Variants in BIN3 observed in about 807,000 individuals in gnomAD.
BIN3 encodes bridging integrator 3.
In BIN3, 41 loss-of-function variants were observed where a neutral mutation model predicts 38.2. That is an observed-to-expected ratio of 1.07 (90% CI 0.84 to 1.39). BIN3 has a LOEUF of 1.39. BIN3 is among the 40% of genes most tolerant of loss of function. The pLI is 0.00. For missense variants in BIN3, 361 were observed against 324.3 expected (o/e 1.11, Z -0.87); for synonymous variants, 145 against 122.6 (o/e 1.18, Z -1.21).
intron 1 of BIN3, among the ~76,000 whole-genome samples, chr8:22,647,859 G>C (rs1305678964): frequency 6.6e-6 from 1 of 152,154 alleles, no homozygotes; most frequent in African/African-American, 2.4e-5. Context: ...GGGCGTGGTG[G>C]CTCACACCTG....
intron 6 of BIN3, 104 bp downstream of exon 6, chr8:22,629,860 G>A (rs1802128052): frequency 8.6e-7 from 1 of 1,156,684 alleles, no homozygotes; most frequent in Admixed American, 2.0e-5. Flanking sequence ...CAGGCCCCAT[G>A]GGAATCTGGG....
At position 22,628,087 on chromosome 8, in the gene BIN3, G is replaced by A. The variant is rs144426194; in HGVS notation, c.338+1877C>T. On this transcript the variant is annotated intron_variant, in intron 6 of 8. Transcript: ENST00000276416. ...AAGGAGAGGGAAGGTGAGCGAGGCC[G>A]GCTGGGAGGTGGGCTGGGCGCAGCC... Among the ~76,000 whole-genome samples, 494 of 152,350 alleles carry A rather than the reference G, an allele frequency of 3.2e-3. 2 individuals are homozygous for A. Among genetic ancestry groups the A allele is most frequent in the African/African-American group, 0.011 (471 of 41,580 alleles).
chr8:22,658,562 C>A (rs1803132511), intron 1 of BIN3, among the ~76,000 whole-genome samples: 2 of 152,214 alleles, frequency 1.3e-5, no homozygotes, highest in Admixed American at 6.5e-5. Flanking sequence ...TCTGCAGAGG[C>A]AGAGATAAAA....
chr8:22,657,354 C>T (rs936981156), intron 1 of BIN3, among the ~76,000 whole-genome samples: 11 of 152,100 alleles, frequency 7.2e-5, no homozygotes, highest in African/African-American at 2.4e-4. Flanking sequence ...AACCAAAAAA[C>T]AAAACAAAAC....
In BIN3 at chr8:22,630,041, G is replaced by A. The variant is rs765945729; in HGVS notation, c.298-37C>T. 2.5e-6 allele frequency: 4 copies of A among 1,584,128 alleles called. No individual in the cohort carries two copies. In the East Asian group the frequency reaches 9.0e-5, roughly 36 times the overall value. The stretch of plus-strand genomic sequence containing the variant: ...AAACCCAAAGACATTAAAACTGGTG[G>A]GGAGGGGAGGGCGACACGCAAGGCA... On this transcript the variant is annotated intron_variant, in intron 5 of 8. Transcript: ENST00000276416.
intron 4 of BIN3, among the ~76,000 whole-genome samples, chr8:22,632,539 T>A (rs1284593603): frequency 1.3e-5 from 2 of 152,208 alleles, no homozygotes; most frequent in Non-Finnish European, 2.9e-5. Context: ...TACGTATAAC[T>A]TGATTTGATT....
At chr8:22,630,128 G>GAGCAAAGCCA in intron 5 of BIN3, 124 bp from the exon 6 acceptor site, 1 of 1,150,868 alleles carries the variant, frequency 8.7e-7, no homozygotes, top group Non-Finnish European at 1.3e-6. Context: ...TCCTTGTCCT[G>GAGCAAAGCCA]GGCCTGGCTT....
rs977356267 is a variant in BIN3 at position 22,630,500 on chromosome 8, T to C, written c.239A>G (p.Asn80Ser). 4 of 1,613,920 alleles carry C rather than the reference T, an allele frequency of 2.5e-6. No homozygotes were observed. The highest frequency in any genetic ancestry group is 3.4e-6 in the Non-Finnish European group (4 of 1,179,898). Residue 80 changes from asparagine to serine, a missense_variant, in exon 5 of 9, where the codon AAC (asparagine) becomes AGC (serine). By Grantham distance (46) the Asn-to-Ser change is conservative. Coordinates refer to ENST00000276416, the MANE Select transcript of BIN3 (RefSeq NM_018688.6). ...PLCEQDQDLL[N>S]MVTALDTAMK... ...GGCCGTGTCCAGGGCCGTCACCATG[T>C]TCAGAAGGTCCTGGTCTTGCTCACA...
intron 4 of BIN3, among the ~76,000 whole-genome samples, chr8:22,632,424 T>C (rs1802232854): frequency 6.6e-6 from 1 of 152,048 alleles, no homozygotes; most frequent in South Asian, 2.1e-4. Flanking sequence ...GGGCAAACTG[T>C]GGGAGAAGGC....
chr8:22,636,842 C>A, intron 3 of BIN3, 80 bp downstream of exon 3: 1 of 1,486,376 alleles, frequency 6.7e-7, no homozygotes, highest in Non-Finnish European at 9.4e-7. Context: ...GGGCAGGGCA[C>A]GGGGCAGACA....
At chr8:22,625,068 C>T (rs1378529881) in intron 6 of BIN3, 1 of 429,888 alleles carries the variant, frequency 2.3e-6, no homozygotes, top group African/African-American at 2.0e-5. Context: ...AAGTTCCAAC[C>T]AGCTGCTTCA....
At chr8:22,656,839 A>G (rs192280376) in intron 1 of BIN3, among the ~76,000 whole-genome samples, 15 of 152,332 alleles carry the variant, frequency 9.8e-5, no homozygotes, top group Non-Finnish European at 7.3e-5. Context: ...CGGTGTAAAC[A>G]TATTTCCTAA....
intron 6 of BIN3, among the ~76,000 whole-genome samples, chr8:22,628,524 C>G (rs1802077666): frequency 6.6e-6 from 1 of 152,204 alleles, no homozygotes; most frequent in South Asian, 2.1e-4. Context: ...TGTGCGCCCC[C>G]TCTGCCACGC....
intron 6 of BIN3, chr8:22,625,246 A>C: frequency 1.4e-6 from 1 of 697,632 alleles, no homozygotes; most frequent in Non-Finnish European, 2.6e-6. Flanking sequence ...TGCTCTCCTG[A>C]GGCTCTCGCT....
intron 1 of BIN3, among the ~76,000 whole-genome samples, chr8:22,657,928 G>A (rs527326517): frequency 3.9e-5 from 6 of 152,320 alleles, no homozygotes; most frequent in South Asian, 2.1e-4. Flanking sequence ...ACAGCAGCCC[G>A]GGGTTGGCAG....
intron 2 of BIN3, among the ~76,000 whole-genome samples, chr8:22,642,078 G>C (rs1378830200): frequency 2.0e-5 from 3 of 152,222 alleles, no homozygotes; most frequent in African/African-American, 7.2e-5. Context: ...GGAGAGCAGT[G>C]AGGGTAGGGA....
intron 4 of BIN3, among the ~76,000 whole-genome samples, chr8:22,633,462 G>C (rs978494424): frequency 9.2e-5 from 14 of 152,246 alleles, no homozygotes; most frequent in African/African-American, 3.1e-4. Flanking sequence ...TAGAGAAAGT[G>C]AGGGTCTTGG....
intron 2 of BIN3, among the ~76,000 whole-genome samples, chr8:22,640,842 TGAG>T (rs1802528073): frequency 6.6e-6 from 1 of 152,092 alleles, no homozygotes; most frequent in South Asian, 2.1e-4. Flanking sequence ...CTGAGGAACT[TGAG>T]GTCTCACAAT....
At chr8:22,632,110 A>T (rs148536733) in intron 4 of BIN3, among the ~76,000 whole-genome samples, 3 of 152,244 alleles carry the variant, frequency 2.0e-5, no homozygotes, top group African/African-American at 7.2e-5. Context: ...CTAAGGGAGA[A>T]AAAATTGTTG....
Sources: gnomAD v4.1 joint callset for allele counts (sites outside exome capture counted in the v4.1 genomes callset) on GRCh38, gnomAD v4.1.1 for gene constraint, MANE v1.5 for transcripts, NCBI Gene and HGNC (gene_info 2026-07-23, HGNC 2026-07-21) for gene names.